ADGRV1: variants seen among roughly 807,000 people sequenced by gnomAD.
ADGRV1 encodes adhesion G protein-coupled receptor V1, also known as G-protein coupled receptor 98.
In ADGRV1, 359 loss-of-function variants were observed where a neutral mutation model predicts 596.2. The observed-to-expected ratio is 0.60, with a 90% CI of 0.55 to 0.66. The LOEUF is 0.66. Ranked by LOEUF, ADGRV1 falls within the 30% of genes least tolerant of loss-of-function variation. The pLI is 0.00. For synonymous variants in ADGRV1, 2,681 were observed against 2,679.2 expected, an observed-to-expected ratio of 1.00 and a Z score of -0.02; for missense variants, 7,274 against 7,575.6, an observed-to-expected ratio of 0.96 and a Z score of 1.48.
intron 83 of ADGRV1, among the ~76,000 whole-genome samples, chr5:90,926,977 G>C (rs562820675): frequency 6.6e-6 from 1 of 151,732 alleles, no homozygotes; most frequent in Non-Finnish European, 1.5e-5. Context: ...GTTCTAGTTT[G>C]ATTGCACTGT....
rs1339467796 is a variant in ADGRV1, at chr5:90,753,898, A to G, written c.11377+69A>G. On this transcript the variant is annotated intron_variant, in intron 54 of 89. Coordinates refer to ENST00000405460, the MANE Select transcript of ADGRV1 (RefSeq NM_032119.4). ...ATTGGATAATTTAATTCTAATATTT[A>G]TAAGGAATGTAAATTTCTCTTTTTA... 5.0e-6 allele frequency: 7 copies of G among 1,388,610 alleles called. No homozygotes were observed. The East Asian group carries it at 7.6e-5, about 15-fold the overall frequency. 86.0% of individuals were successfully genotyped at this position (1,388,610 alleles called of 1,614,324 possible).
chr5:90,599,375 C>A (rs1761118076), intron 1 of ADGRV1, among the ~76,000 whole-genome samples: 1 of 151,996 alleles, frequency 6.6e-6, no homozygotes, highest in Non-Finnish European at 1.5e-5. Flanking sequence ...AATTTTCATC[C>A]CTTGACATGG....
At chr5:91,051,676 A>G (rs964474980) in intron 85 of ADGRV1, among the ~76,000 whole-genome samples, 1 of 151,336 alleles carries the variant, frequency 6.6e-6, no homozygotes, top group Non-Finnish European at 1.5e-5. Context: ...CCTCCCGAGT[A>G]GCTGGAACCA....
rs745841410 is a variant in ADGRV1 at position 90,811,211 on chromosome 5, G to C, written c.15951G>C (p.Leu5317Phe). The change falls in exon 74 of 90, where the codon TTG becomes TTC. Residue 5317 changes from leucine to phenylalanine, a missense_variant. Leu to Phe is a conservative substitution (Grantham distance 22, BLOSUM62 0). Coordinates refer to ENST00000405460, the MANE Select transcript of ADGRV1 (RefSeq NM_032119.4). ...ERERKVSVQI[L>F]DDDEPEGQEF... The stretch of plus-strand genomic sequence containing the variant: ...AACGTAAAGTATCAGTTCAAATTTT[G>C]GATGATGATGAGCCTGAGGGGCAGG... 1 of 1,613,196 alleles carries C rather than the reference G, an allele frequency of 6.2e-7. No homozygotes were observed. The highest frequency in any genetic ancestry group is 1.1e-5 in the South Asian group (1 of 90,870).
chr5:91,059,216 A>G (rs1787182252), intron 85 of ADGRV1, among the ~76,000 whole-genome samples: 1 of 152,130 alleles, frequency 6.6e-6, no homozygotes, highest in Non-Finnish European at 1.5e-5. Context: ...CACTCTTGTA[A>G]GGTAGATGCC....
chr5:90,659,813 A>G (rs945268568), intron 21 of ADGRV1, among the ~76,000 whole-genome samples: 1 of 152,104 alleles, frequency 6.6e-6, no homozygotes, highest in Non-Finnish European at 1.5e-5. Context: ...CGGGCGGATC[A>G]TGAGGTCAGA....
At chr5:90,923,586 G>T (rs556205767) in intron 83 of ADGRV1, among the ~76,000 whole-genome samples, 23 of 152,056 alleles carry the variant, frequency 1.5e-4, no homozygotes, top group Non-Finnish European at 2.2e-4. Context: ...AGTGTTGCAA[G>T]CTGCAATATA....
At chr5:90,993,662 T>G (rs1461706407) in intron 85 of ADGRV1, among the ~76,000 whole-genome samples, 1 of 152,196 alleles carries the variant, frequency 6.6e-6, no homozygotes, top group Admixed American at 6.5e-5. Flanking sequence ...TCATATGATT[T>G]AACTTGCTGG....
intron 87 of ADGRV1, among the ~76,000 whole-genome samples, chr5:91,105,541 G>A (rs1346509542): frequency 6.6e-6 from 1 of 152,194 alleles, no homozygotes; most frequent in Non-Finnish European, 1.5e-5. Context: ...ACTGGGGTGA[G>A]ATGATAATTC....
chr5:90,636,237 T>A (rs917446386), intron 10 of ADGRV1, among the ~76,000 whole-genome samples: 1 of 148,588 alleles, frequency 6.7e-6, no homozygotes, highest in Non-Finnish European at 1.5e-5. Context: ...TCCTGAGTCA[T>A]AGTTGATCCC....
At chr5:90,694,785 T>G in intron 33 of ADGRV1, 84 bp downstream of exon 33, 1 of 1,213,898 alleles carries the variant, frequency 8.2e-7, no homozygotes, top group Non-Finnish European at 1.1e-6. Context: ...TAAGAATTCT[T>G]ACTGTGTACA....
At chr5:90,983,804 G>C (rs1046072124) in intron 84 of ADGRV1, among the ~76,000 whole-genome samples, 3 of 152,128 alleles carry the variant, frequency 2.0e-5, no homozygotes, top group African/African-American at 7.2e-5. Context: ...ATAAAATTCA[G>C]AGACACAAAT....
At chr5:90,883,242 G>A (rs1297762413) in intron 83 of ADGRV1, among the ~76,000 whole-genome samples, 1 of 152,134 alleles carries the variant, frequency 6.6e-6, no homozygotes. Context: ...ATGTTCATCT[G>A]TGGGAACCAG....
At chr5:91,054,477 A>C (rs929393330) in intron 85 of ADGRV1, among the ~76,000 whole-genome samples, 1 of 152,202 alleles carries the variant, frequency 6.6e-6, no homozygotes, top group Non-Finnish European at 1.5e-5. Context: ...AGCCTGTCTT[A>C]GTCCATTTGG....
At chr5:90,572,999 A>G (rs1211925432) in intron 1 of ADGRV1, among the ~76,000 whole-genome samples, 1 of 152,140 alleles carries the variant, frequency 6.6e-6, no homozygotes, top group African/African-American at 2.4e-5. Context: ...TTATGGGGCA[A>G]ATGCATCACA....
chr5:90,683,889 G>T lies in ADGRV1; in HGVS notation c.5968G>T (p.Val1990Phe), dbSNP rs1745265183. 1.2e-6 allele frequency: 2 copies of T among 1,613,536 alleles called. No individual in the cohort carries two copies. The highest frequency in any genetic ancestry group is 1.7e-6 in the Non-Finnish European group (2 of 1,179,660). The change falls in exon 28 of 90, where the codon GTT (valine) becomes TTT (phenylalanine). Residue 1990 changes from valine to phenylalanine, a missense_variant. Physicochemically the swap from Val to Phe is conservative, Grantham distance 50 (BLOSUM62 -1). Transcript: ENST00000405460. ...IFSEKNRPVK[V>F]EEATQNITLS... ...TTCTGAGAAAAACAGACCTGTTAAA[G>T]TTGAGGAAGCAACCCAGAACATCAC...
At chr5:90,924,629 T>G (rs1263142422) in intron 83 of ADGRV1, among the ~76,000 whole-genome samples, 5 of 151,864 alleles carry the variant, frequency 3.3e-5, no homozygotes, top group Middle Eastern at 3.4e-3. Context: ...AGAAGCTCTT[T>G]AGTTTAATTA....
chr5:90,602,878 T>C (rs573510668), intron 1 of ADGRV1, among the ~76,000 whole-genome samples: 1 of 152,336 alleles, frequency 6.6e-6, no homozygotes, highest in South Asian at 2.1e-4. Flanking sequence ...TGTTTAAGCC[T>C]GAAGAAAGAC....
chr5:90,960,083 G>A (rs1320092854), intron 83 of ADGRV1, among the ~76,000 whole-genome samples: 1 of 150,180 alleles, frequency 6.7e-6, no homozygotes. Flanking sequence ...AGCTTGCAGT[G>A]AGCCGAGATC....
Sources: allele counts gnomAD v4.1 joint callset (sites outside exome capture counted in the v4.1 genomes callset), GRCh38; gene constraint gnomAD v4.1.1; transcripts MANE v1.5; gene names NCBI Gene and HGNC (gene_info 2026-07-23, HGNC 2026-07-21).